The following BIRC6 variants were observed in gnomAD, a reference collection of about 807,000 sequenced individuals.
The protein encoded by BIRC6 is dual E2 ubiquitin-conjugating enzyme/E3 ubiquitin-protein ligase BIRC6.
BIRC6 carries 98 observed loss-of-function variants against 503.3 expected under a neutral mutation model. That is an observed-to-expected ratio of 0.19 (90% CI 0.17 to 0.23). The LOEUF (loss-of-function observed/expected upper bound fraction) is 0.23. Ranked by LOEUF, BIRC6 falls within the 10% of genes least tolerant of loss-of-function variation. The probability of loss-of-function intolerance (pLI) is 1.00; values close to 1 mark genes in which losing one functional copy is unlikely to be tolerated. For missense variants in BIRC6, 5,360 were observed against 5,806.0 expected (o/e 0.92, Z 2.50); for synonymous variants, 2,240 against 2,078.7 (o/e 1.08, Z -2.11).
At chr2:32,567,582 G>A (rs1423502661) in intron 65 of BIRC6, among the ~76,000 whole-genome samples, 2 of 152,220 alleles carry the variant, frequency 1.3e-5, no homozygotes, top group Non-Finnish European at 2.9e-5. Context: ...AGTTCAGGAA[G>A]TATCATGGGA....
intron 73 of BIRC6, among the ~76,000 whole-genome samples, chr2:32,614,252 C>T (rs1263677537): frequency 6.6e-6 from 1 of 152,150 alleles, no homozygotes; most frequent in African/African-American, 2.4e-5. Context: ...GTTGAGTTCC[C>T]ACAGCTTTGT....
At position 32,488,314 on chromosome 2, in the gene BIRC6, AT is replaced by A. The variant is rs1446010025; in HGVS notation, c.7969-273del. Reference sequence around the variant, plus strand: ...CCTTGTCTCAAATAAAAAAAAAAAAATGACTTGAATCACCTGTTTTAATTTA... The same window carrying A: ...CCTTGTCTCAAATAAAAAAAAAAAAAGACTTGAATCACCTGTTTTAATTTA... On this transcript the variant is annotated intron_variant, in intron 41 of 73. Coordinates refer to ENST00000421745, the MANE Select transcript of BIRC6 (RefSeq NM_016252.4). 7.9e-5 allele frequency among the ~76,000 whole-genome samples: 12 copies of A among 152,224 alleles called. No homozygotes were observed. In the East Asian group the frequency reaches 2.3e-3, roughly 29 times the overall value.
intron 1 of BIRC6, among the ~76,000 whole-genome samples, chr2:32,372,323 G>C (rs1032123601): frequency 6.6e-6 from 1 of 151,732 alleles, no homozygotes; most frequent in Non-Finnish European, 1.5e-5. Flanking sequence ...TAATCTTTTG[G>C]GACCACTGAT....
chr2:32,375,885 C>T (rs557795951), intron 1 of BIRC6, among the ~76,000 whole-genome samples: 2 of 151,816 alleles, frequency 1.3e-5, no homozygotes, highest in Non-Finnish European at 2.9e-5. Context: ...GCACTAAACC[C>T]GATGAAAATA....
chr2:32,518,997 A>G, intron 57 of BIRC6, 51 bp downstream of exon 57: 2 of 1,530,666 alleles, frequency 1.3e-6, no homozygotes, highest in Non-Finnish European at 1.8e-6. Flanking sequence ...TTTGATGTAT[A>G]TGGAGGTTTA....
intron 71 of BIRC6, among the ~76,000 whole-genome samples, chr2:32,604,301 T>C (rs915815976): frequency 6.6e-6 from 1 of 152,176 alleles, no homozygotes; most frequent in Non-Finnish European, 1.5e-5. Context: ...AAATCAGATT[T>C]TTTTAAAAGA....
chr2:32,599,693 G>T (rs1445674937), intron 69 of BIRC6, 46 bp from the exon 70 acceptor site: 2 of 1,556,964 alleles, frequency 1.3e-6, no homozygotes, highest in Non-Finnish European at 1.8e-6. Flanking sequence ...AAATATCAGT[G>T]TTTAGGAATG....
At chr2:32,571,577 A>G (rs905114532) in intron 65 of BIRC6, among the ~76,000 whole-genome samples, 2 of 150,942 alleles carry the variant, frequency 1.3e-5, no homozygotes, top group Non-Finnish European at 3.0e-5. Flanking sequence ...GATCTTTTGT[A>G]TTTCTGTAGT....
rs1346184788 is a variant in BIRC6 at position 32,515,162 on chromosome 2, G to C, written c.10741G>C (p.Asp3581His). The change falls in exon 55 of 74, where the codon GAT becomes CAT. Residue 3581 changes from aspartate (D) to histidine (H), a missense_variant. Physicochemically the swap from Asp to His is moderately conservative, Grantham distance 81. This residue lies in a region of BIRC6 where 878 missense variants were observed against 928.9 expected (regional missense o/e 0.95). Coordinates refer to ENST00000421745, the MANE Select transcript of BIRC6 (RefSeq NM_016252.4). ...ATGTCATCATAGACTGTCCATGACA[G>C]ATGATAGCAAAAAGCAGGATCTTAG... ...VQCHHRLSMT[D>H]DSKKQDLSSS... 3 of 1,613,932 alleles carry C rather than the reference G, an allele frequency of 1.9e-6. No individual in the cohort carries two copies. The highest frequency in any genetic ancestry group is 1.7e-5 in the Admixed American group (1 of 60,014).
At chr2:32,363,455 C>T (rs1452362757) in intron 1 of BIRC6, among the ~76,000 whole-genome samples, 1 of 152,040 alleles carries the variant, frequency 6.6e-6, no homozygotes, top group Non-Finnish European at 1.5e-5. Flanking sequence ...CACTTTCCAC[C>T]ATCCTACAGA....
intron 1 of BIRC6, among the ~76,000 whole-genome samples, chr2:32,372,597 C>T (rs868190005): frequency 1.3e-5 from 2 of 152,036 alleles, no homozygotes; most frequent in African/African-American, 4.8e-5. Flanking sequence ...AATCCCAGCA[C>T]TTAGGGAGGC....
At chr2:32,506,797 G>C (rs2053845602) in intron 50 of BIRC6, among the ~76,000 whole-genome samples, 1 of 152,176 alleles carries the variant, frequency 6.6e-6, no homozygotes, top group South Asian at 2.1e-4. Context: ...TGAATCTAAG[G>C]TGTGACATTT....
chr2:32,611,419 G>T, intron 72 of BIRC6, 29 bp from the exon 73 acceptor site: 2 of 1,577,438 alleles, frequency 1.3e-6, no homozygotes, highest in Non-Finnish European at 1.7e-6. Context: ...TGTAAACACT[G>T]CTTGTTCTCC....
intron 61 of BIRC6, among the ~76,000 whole-genome samples, chr2:32,541,461 A>G (rs1362511758): frequency 6.6e-6 from 1 of 152,058 alleles, no homozygotes; most frequent in African/African-American, 2.4e-5. Flanking sequence ...CTACATATAT[A>G]TGTAAAAGAA....
chr2:32,521,699 C>T (rs1558962523), intron 57 of BIRC6, among the ~76,000 whole-genome samples: 2 of 150,418 alleles, frequency 1.3e-5, no homozygotes, highest in Non-Finnish European at 3.0e-5. Flanking sequence ...ATGCTGATGT[C>T]GAACTCCTGA....
intron 23 of BIRC6, among the ~76,000 whole-genome samples, chr2:32,460,251 T>TATAC: frequency 3.6e-5 from 1 of 27,434 alleles, no homozygotes; most frequent in Non-Finnish European, 7.2e-5. Flanking sequence ...ATATGATATA[T>TATAC]ATATATATAT....
chr2:32,468,145 A>G (rs770147890), intron 28 of BIRC6, 34 bp downstream of exon 28: 2 of 1,580,446 alleles, frequency 1.3e-6, no homozygotes, highest in South Asian at 1.1e-5. Flanking sequence ...ATGTTATTGA[A>G]ACTTTGTATT....
intron 19 of BIRC6, 25 bp from the exon 20 acceptor site, chr2:32,443,466 A>G: frequency 6.5e-7 from 1 of 1,530,548 alleles, no homozygotes; most frequent in Non-Finnish European, 8.9e-7. Flanking sequence ...TGTCTTTACA[A>G]TTTTTCTTTT....
At chr2:32,599,930 T>C in intron 70 of BIRC6, 30 bp downstream of exon 70, 1 of 1,593,710 alleles carries the variant, frequency 6.3e-7, no homozygotes, top group East Asian at 2.2e-5. Flanking sequence ...TTGTTTCAAA[T>C]GCCAATGATT....
Sources: gnomAD v4.1 joint callset for allele counts (sites outside exome capture counted in the v4.1 genomes callset) on GRCh38, gnomAD v4.1.1 for gene constraint, gnomAD v4.1.1 regional missense constraint, MANE v1.5 for transcripts, NCBI Gene and HGNC (gene_info 2026-07-23, HGNC 2026-07-21) for gene names.